Variants in SLIT2 observed in about 807,000 individuals in gnomAD.
SLIT2 encodes the protein slit guidance ligand 2.
A neutral mutation model predicts 185.7 loss-of-function variants in SLIT2; 41 were observed. The ratio of observed to expected loss-of-function variants is 0.22; its 90% CI spans 0.17 to 0.29. SLIT2 has a LOEUF of 0.29. Ranked by LOEUF, SLIT2 falls within the 10% of genes least tolerant of loss-of-function variation. SLIT2 has a pLI of 1.00. For missense variants in SLIT2, 1,571 were observed against 1,909.0 expected, an observed-to-expected ratio of 0.82 and a Z score of 3.30; for synonymous variants, 693 against 680.2, an observed-to-expected ratio of 1.02 and a Z score of -0.29.
At chr4:20,304,598 C>G (rs1388527513) in intron 4 of SLIT2, among the ~76,000 whole-genome samples, 2 of 152,110 alleles carry the variant, frequency 1.3e-5, no homozygotes, top group Non-Finnish European at 2.9e-5. Flanking sequence ...GCTTGGAATA[C>G]TTGTGGTTAG....
chr4:20,343,508 T>C (rs914752081), intron 4 of SLIT2, among the ~76,000 whole-genome samples: 1 of 151,370 alleles, frequency 6.6e-6, no homozygotes, highest in Non-Finnish European at 1.5e-5. Context: ...TCATAAAACT[T>C]TTTTTTTTCT....
At chr4:20,361,044 T>C (rs1310325517) in intron 4 of SLIT2, among the ~76,000 whole-genome samples, 2 of 152,188 alleles carry the variant, frequency 1.3e-5, no homozygotes, top group Middle Eastern at 6.3e-3. Flanking sequence ...ATAATCAGCA[T>C]GTTCAATATT....
chr4:20,316,522 C>T (rs1365669261), intron 4 of SLIT2, among the ~76,000 whole-genome samples: 4 of 151,898 alleles, frequency 2.6e-5, no homozygotes, highest in African/African-American at 9.7e-5. Context: ...TAACAGGTCT[C>T]ACATAAAGTC....
At chr4:20,433,795 G>A (rs1729152097) in intron 4 of SLIT2, among the ~76,000 whole-genome samples, 1 of 152,016 alleles carries the variant, frequency 6.6e-6, no homozygotes, top group Non-Finnish European at 1.5e-5. Flanking sequence ...ACTCACACAT[G>A]CTCTATATAC....
intron 9 of SLIT2, among the ~76,000 whole-genome samples, chr4:20,496,411 G>A (rs1051863853): frequency 3.9e-5 from 6 of 152,160 alleles, no homozygotes; most frequent in African/African-American, 1.4e-4. Flanking sequence ...ATGTTGGCTT[G>A]TGCACATTTG....
intron 32 of SLIT2, among the ~76,000 whole-genome samples, chr4:20,597,489 A>G (rs1175591198): frequency 2.0e-5 from 3 of 152,318 alleles, no homozygotes; most frequent in South Asian, 2.1e-4. Context: ...TCAGATCCCT[A>G]TGGAAGAAGC....
Position 20,472,224 on chromosome 4 carries a change from A to G in SLIT2, c.467+4401A>G, listed in dbSNP as rs368539573. Reference sequence around the variant, plus strand: ...GCTTTAGAAATGTGTGTGTGTGTGTATATATATATAGATCTATATATCTAT... The same window carrying G: ...GCTTTAGAAATGTGTGTGTGTGTGTGTATATATATAGATCTATATATCTAT... On this transcript the variant is annotated intron_variant, in intron 5 of 36. Coordinates refer to ENST00000504154, the MANE Select transcript of SLIT2 (RefSeq NM_004787.4). 8.4e-5 allele frequency among the ~76,000 whole-genome samples: 10 copies of G among 118,414 alleles called. 1 individual carries two copies. Among genetic ancestry groups the G allele is most frequent in the African/African-American group, 2.3e-4 (7 of 30,860 alleles). 77.7% of individuals were successfully genotyped at this position (118,414 alleles called of 152,430 possible).
At chr4:20,592,855 A>G (rs549693785) in intron 30 of SLIT2, among the ~76,000 whole-genome samples, 7 of 152,238 alleles carry the variant, frequency 4.6e-5, no homozygotes, top group African/African-American at 1.7e-4. Context: ...ATTAAAACCA[A>G]CTGGCTGCAA....
At chr4:20,434,381 G>A (rs1228695936) in intron 4 of SLIT2, among the ~76,000 whole-genome samples, 1 of 152,156 alleles carries the variant, frequency 6.6e-6, no homozygotes, top group African/African-American at 2.4e-5. Flanking sequence ...AGCTACTCAG[G>A]AGGCTGAGGC....
chr4:20,264,806 C>A (rs1006121904), intron 3 of SLIT2, among the ~76,000 whole-genome samples: 1 of 151,950 alleles, frequency 6.6e-6, no homozygotes, highest in Non-Finnish European at 1.5e-5. Flanking sequence ...GAAAGTATCT[C>A]AGAGACATAC....
intron 4 of SLIT2, among the ~76,000 whole-genome samples, chr4:20,334,350 A>G (rs926432084): frequency 2.0e-5 from 3 of 152,184 alleles, no homozygotes; most frequent in African/African-American, 7.2e-5. Flanking sequence ...CAAACTAGAC[A>G]AATGGGATTG....
At chr4:20,554,746 G>T (rs1332222165) in intron 26 of SLIT2, among the ~76,000 whole-genome samples, 1 of 150,706 alleles carries the variant, frequency 6.6e-6, no homozygotes, top group South Asian at 2.1e-4. Flanking sequence ...GTGGGGTTTT[G>T]GGGGGGCTTT....
At chr4:20,373,166 GT>G (rs1306966719) in intron 4 of SLIT2, among the ~76,000 whole-genome samples, 1 of 152,004 alleles carries the variant, frequency 6.6e-6, no homozygotes, top group Admixed American at 6.6e-5. Context: ...ATCAAAATTA[GT>G]TTGGCAGCTT....
intron 5 of SLIT2, among the ~76,000 whole-genome samples, chr4:20,471,739 C>T (rs1715043909): frequency 6.6e-6 from 1 of 152,034 alleles, no homozygotes; most frequent in Admixed American, 6.5e-5. Context: ...GGCGGTATCC[C>T]AACAATATGA....
Position 20,618,886 on chromosome 4 carries a change from G to T in SLIT2, c.4467G>T (p.Gly1489=). Residue 1489 remains glycine (G), a synonymous_variant, in exon 37 of 37, where the codon GGG becomes GGT. Transcript: ENST00000504154. ...RLECRGGCAG[G]QCCGPLRSKR... is the part of the protein sequence containing the mutation. Reference sequence around the variant, plus strand: ...AGTGCAGAGGTGGGTGTGCAGGAGGGCAGTGCTGTGGACCGCTGAGGAGCA... The same window carrying T: ...AGTGCAGAGGTGGGTGTGCAGGAGGTCAGTGCTGTGGACCGCTGAGGAGCA... 6.2e-7 allele frequency: 1 copy of T among 1,614,160 alleles called. No individual in the cohort carries two copies. The highest frequency in any genetic ancestry group is 8.5e-7 in the Non-Finnish European group (1 of 1,180,028).
intron 26 of SLIT2, among the ~76,000 whole-genome samples, chr4:20,556,735 C>A (rs537857300): frequency 1.6e-5 from 2 of 125,282 alleles, no homozygotes; most frequent in Admixed American, 8.5e-5. Context: ...TTATTAACAA[C>A]AACAACAACA....
intron 5 of SLIT2, among the ~76,000 whole-genome samples, chr4:20,477,163 A>C (rs947968961): frequency 2.0e-5 from 3 of 151,860 alleles, no homozygotes; most frequent in Non-Finnish European, 4.4e-5. Flanking sequence ...CATAAAAAAA[A>C]AAAAAAAGAA....
At chr4:20,429,737 G>C (rs1404959820) in intron 4 of SLIT2, among the ~76,000 whole-genome samples, 1 of 152,142 alleles carries the variant, frequency 6.6e-6, no homozygotes, top group Non-Finnish European at 1.5e-5. Context: ...TTGAGAGAGA[G>C]AAATCAGGAA....
intron 25 of SLIT2, among the ~76,000 whole-genome samples, chr4:20,551,625 T>C (rs1723763728): frequency 6.6e-6 from 1 of 152,176 alleles, no homozygotes; most frequent in African/African-American, 2.4e-5. Flanking sequence ...CAAAGCCTCC[T>C]TGGCTGATGC....
Sources: allele counts gnomAD v4.1 joint callset (sites outside exome capture counted in the v4.1 genomes callset), GRCh38; gene constraint gnomAD v4.1.1; transcripts MANE v1.5; gene names NCBI Gene and HGNC (gene_info 2026-07-23, HGNC 2026-07-21).